ASIC2: variants seen among roughly 807,000 people sequenced by gnomAD.
ASIC2 encodes the protein acid-sensing ion channel 2.
ASIC2 carries 25 observed loss-of-function variants against 57.3 expected under a neutral mutation model. The observed-to-expected ratio is 0.44, with a 90% confidence interval of 0.32 to 0.61. ASIC2 has a LOEUF of 0.61. ASIC2 is among the 20% of genes least tolerant of loss of function. The pLI is 0.06. For synonymous variants in ASIC2, 319 were observed against 307.5 expected (o/e 1.04, Z -0.39); for missense variants, 641 against 738.1 (o/e 0.87, Z 1.52).
At chr17:33,294,811 G>A (rs1905659273), upstream of ASIC2, among the ~76,000 whole-genome samples, 1 of 152,134 alleles carries the variant, frequency 6.6e-6, no homozygotes. Context: ...TTGCAGTTGG[G>A]CATTGATGAC....
At chr17:34,038,063 T>C (rs1907959185) in intron 1 of ASIC2, 7 of 1,613,364 alleles carry the variant, frequency 4.3e-6, no homozygotes, top group African/African-American at 1.3e-5. Context: ...ATCCACTGAA[T>C]TGTAGCTATC....
At chr17:33,848,532 A>C (rs1913676276) in intron 1 of ASIC2, among the ~76,000 whole-genome samples, 1 of 152,204 alleles carries the variant, frequency 6.6e-6, no homozygotes, top group Admixed American at 6.5e-5. Context: ...AGAGGCTCTC[A>C]TGCCCTTAGG....
At chr17:33,527,828 C>T (rs1277724631) in intron 1 of ASIC2, among the ~76,000 whole-genome samples, 1 of 152,118 alleles carries the variant, frequency 6.6e-6, no homozygotes, top group East Asian at 1.9e-4. Context: ...GCCACTTTCT[C>T]ACTGAGAGAC....
chr17:34,144,156 C>T (rs1429722518), intron 1 of ASIC2, among the ~76,000 whole-genome samples: 1 of 152,190 alleles, frequency 6.6e-6, no homozygotes, highest in Non-Finnish European at 1.5e-5. Flanking sequence ...GATATGTCAA[C>T]TATTATATAT....
intron 1 of ASIC2, among the ~76,000 whole-genome samples, chr17:33,967,943 TG>T (rs1389659750): frequency 6.6e-6 from 1 of 152,170 alleles, no homozygotes; most frequent in Non-Finnish European, 1.5e-5. Context: ...GGCCTCACAT[TG>T]TCATTCTGTT....
chr17:33,799,442 CTTTCTTTCTTTCTTTCTT>C (rs1912052170), intron 1 of ASIC2, among the ~76,000 whole-genome samples: 1 of 68,154 alleles, frequency 1.5e-5, no homozygotes, highest in Non-Finnish European at 3.1e-5. Context: ...TTCTTTCTTT[CTTTCTTTCTTTCTTTCTT>C]TCTTTCTTTC....
chr17:33,963,721 G>A (rs1160916335), intron 1 of ASIC2, among the ~76,000 whole-genome samples: 1 of 152,122 alleles, frequency 6.6e-6, no homozygotes, highest in Non-Finnish European at 1.5e-5. Flanking sequence ...AACTCAGTAT[G>A]TCTTGTCAGT....
chr17:33,911,678 G>C (rs1915465345), intron 1 of ASIC2, among the ~76,000 whole-genome samples: 1 of 152,194 alleles, frequency 6.6e-6, no homozygotes, highest in Admixed American at 6.5e-5. Context: ...ATAGACCACA[G>C]CAGACCCAGG....
rs377759973 is a variant in ASIC2, at chr17:34,026,409, C to T, written c.555+129569G>A. Among the ~76,000 whole-genome samples, 19 of 152,240 alleles carry T rather than the reference C, an allele frequency of 1.2e-4. No individual in the cohort carries two copies. In the East Asian group the frequency reaches 3.7e-3, roughly 29 times the overall value. The stretch of plus-strand genomic sequence containing the variant: ...GCCTGCATAGATGATCCGTGCTCTG[C>T]CTTGGAAATGATGGAGGAGAAACAG... On this transcript the variant is annotated intron_variant, in intron 1 of 9. Transcript: ENST00000359872.
chr17:33,506,270 G>C (rs12939430), intron 1 of ASIC2, among the ~76,000 whole-genome samples: 55,028 of 150,090 alleles, frequency 0.37, 11,006 homozygotes, highest in Middle Eastern at 0.48. Context: ...AAAATTAGCT[G>C]GGTGTGGTGG....
chr17:33,658,706 C>T (rs1235855402), intron 1 of ASIC2, among the ~76,000 whole-genome samples: 1 of 152,154 alleles, frequency 6.6e-6, no homozygotes, highest in African/African-American at 2.4e-5. Context: ...CTCCTAAAGG[C>T]CCCACCTTGG....
At chr17:33,757,310 T>C (rs980714473) in intron 1 of ASIC2, among the ~76,000 whole-genome samples, 1 of 152,144 alleles carries the variant, frequency 6.6e-6, no homozygotes, top group Non-Finnish European at 1.5e-5. Context: ...TAGCAGATTC[T>C]CCTGCGGGAC....
chr17:33,702,747 A>T (rs1483879674), intron 1 of ASIC2, among the ~76,000 whole-genome samples: 1 of 152,222 alleles, frequency 6.6e-6, no homozygotes, highest in Non-Finnish European at 1.5e-5. Flanking sequence ...CATTTGTTCA[A>T]CTACTCAATC....
chr17:33,721,295 C>T (rs922602122), intron 1 of ASIC2, among the ~76,000 whole-genome samples: 1 of 152,160 alleles, frequency 6.6e-6, no homozygotes. Context: ...TCATTCATTG[C>T]GCTCACCAGG....
At chr17:33,825,176 T>A (rs535938612) in intron 1 of ASIC2, among the ~76,000 whole-genome samples, 1 of 152,178 alleles carries the variant, frequency 6.6e-6, no homozygotes, top group East Asian at 1.9e-4. Flanking sequence ...ATACCTTGCC[T>A]CCTTCCCTCT....
At chr17:33,188,139 C>T (rs973678112) in intron 1 of ASIC2, among the ~76,000 whole-genome samples, 3 of 151,566 alleles carry the variant, frequency 2.0e-5, no homozygotes, top group African/African-American at 7.3e-5. Context: ...TAAAAAGGAC[C>T]CAAAGAAAAG....
At chr17:34,081,502 A>C (rs1026434368) in intron 1 of ASIC2, among the ~76,000 whole-genome samples, 13 of 152,206 alleles carry the variant, frequency 8.5e-5, no homozygotes, top group African/African-American at 3.1e-4. Context: ...AGCTTTCCCC[A>C]GCACAGGAAA....
chr17:33,464,115 G>A (rs1253868198), intron 1 of ASIC2, among the ~76,000 whole-genome samples: 1 of 152,192 alleles, frequency 6.6e-6, no homozygotes, highest in Non-Finnish European at 1.5e-5. Flanking sequence ...GCCTGTCATT[G>A]CTCATTTTCC....
chr17:33,185,609 A>G (rs1317913618), intron 1 of ASIC2, among the ~76,000 whole-genome samples: 2 of 152,118 alleles, frequency 1.3e-5, no homozygotes, highest in Non-Finnish European at 2.9e-5. Flanking sequence ...GTGACAGAGT[A>G]AAAAATTCAG....
Sources: allele counts gnomAD v4.1 joint callset (sites outside exome capture counted in the v4.1 genomes callset), GRCh38; gene constraint gnomAD v4.1.1; transcripts MANE v1.5; gene names NCBI Gene and HGNC (gene_info 2026-07-23, HGNC 2026-07-21).